The following BRIP1 variants were observed in gnomAD, a reference collection of about 807,000 sequenced individuals.
BRIP1 encodes the protein BRCA1 interacting DNA helicase 1, also known as Fanconi anemia group J protein.
Under a neutral mutation model 119.7 loss-of-function variants are expected in BRIP1, and 88 were observed. The observed-to-expected ratio is 0.74, with a 90% confidence interval of 0.62 to 0.88. The LOEUF (loss-of-function observed/expected upper bound fraction) is 0.88, where lower values mean the gene tolerates loss of function less well. Ranked by LOEUF, BRIP1 falls within the 40% of genes least tolerant of loss-of-function variation. BRIP1 has a pLI of 0.00. For synonymous variants in BRIP1, 443 were observed against 496.5 expected, an observed-to-expected ratio of 0.89 and a Z score of 1.43; for missense variants, 1,259 against 1,455.4, an observed-to-expected ratio of 0.87 and a Z score of 2.20.
rs1354206131 is a variant in BRIP1, at chr17:61,851,538, G to A, written c.380-2282C>T. ...AAGTTCTTCCTTTCCCCTACAAGCTGTAGGGGCACTTCTATAAAAATATCA... is the reference window on the plus strand; with the variant it reads ...AAGTTCTTCCTTTCCCCTACAAGCTATAGGGGCACTTCTATAAAAATATCA... On this transcript the variant is annotated intron_variant, in intron 4 of 19. Coordinates refer to ENST00000259008, the MANE Select transcript of BRIP1 (RefSeq NM_032043.3). The surrounding 1 kb of genome is among the most constrained non-coding windows in gnomAD (Gnocchi z 4.6). Among the ~76,000 whole-genome samples the A allele has an allele frequency of 6.6e-6, 1 of 152,094 alleles. No homozygotes were observed. The highest frequency in any genetic ancestry group is 1.5e-5 in the Non-Finnish European group (1 of 68,012).
intron 11 of BRIP1, chr17:61,784,015 A>T: frequency 2.9e-6 from 1 of 345,364 alleles, no homozygotes; most frequent in South Asian, 3.6e-5. Context: ...CCAGGAGGTC[A>T]AAGTTGCAGT....
rs772373100 is a variant in BRIP1 at position 61,799,346 on chromosome 17, T to C, written c.1141-47A>G. 4.0e-5 allele frequency: 57 copies of C among 1,429,476 alleles called. No individual in the cohort carries two copies. The highest frequency in any genetic ancestry group is 5.2e-5 in the Non-Finnish European group (53 of 1,019,322). The allele number at this position is 1,429,476 out of a possible 1,614,324, so 88.5% of individuals were successfully genotyped here. The stretch of plus-strand genomic sequence containing the variant: ...TTGTAAAACATTTGGCAAAATAGAT[T>C]TAACAACAGCAGGCAAGATATTTCA... On this transcript the variant is annotated intron_variant, in intron 8 of 19. Transcript: ENST00000259008. This position sits in a 1 kb window ranked among gnomAD's most constrained non-coding sequence, Gnocchi z 5.1.
In BRIP1 at chr17:61,795,332, TATTC is replaced by T. The variant is rs1268575852; in HGVS notation, c.1341-1607_1341-1604del. On this transcript the variant is annotated intron_variant, in intron 9 of 19. Coordinates refer to ENST00000259008, the MANE Select transcript of BRIP1 (RefSeq NM_032043.3). This position sits in a 1 kb window ranked among gnomAD's most constrained non-coding sequence, Gnocchi z 5.6. ...TGTTGTGCTATCAAATACTAGGCCT[TATTC>T]ATTCATTCTATTTTTCTTTTTTTTG... is the stretch of plus-strand genomic sequence containing the variant. Among the ~76,000 whole-genome samples, 2 of 152,014 alleles carry T rather than the reference TATTC, an allele frequency of 1.3e-5. No individual in the cohort carries two copies. Among genetic ancestry groups the T allele is most frequent in the Non-Finnish European group, 2.9e-5 (2 of 67,966 alleles).
chr17:61,692,651 A>G (rs769549213), intron 18 of BRIP1, among the ~76,000 whole-genome samples: 4 of 152,164 alleles, frequency 2.6e-5, no homozygotes, highest in African/African-American at 4.8e-5. Flanking sequence ...TCAAATCCAC[A>G]CTGTGCTATC....
Position 61,803,237 on chromosome 17 carries a change from G to C in BRIP1, c.919-1763C>G, listed in dbSNP as rs2078022479. Among the ~76,000 whole-genome samples, 1 of 152,014 alleles carries C rather than the reference G, an allele frequency of 6.6e-6. No individual in the cohort carries two copies. The highest frequency in any genetic ancestry group is 2.4e-5 in the African/African-American group (1 of 41,372). ...AGCCACCAAGTAGCTGGAACCACAA[G>C]TGCATCACCACATATGGCTCCTTTT... On this transcript the variant is annotated intron_variant, in intron 7 of 19. Transcript: ENST00000259008. The surrounding 1 kb of genome is among the most constrained non-coding windows in gnomAD (Gnocchi z 4.3).
intron 6 of BRIP1, among the ~76,000 whole-genome samples, chr17:61,830,425 T>C (rs1376525520): frequency 1.3e-5 from 2 of 150,144 alleles, no homozygotes; most frequent in African/African-American, 4.9e-5. Context: ...GCAAAATGAA[T>C]TCTAGATTAA....
At position 61,857,527 on chromosome 17, in the gene BRIP1, C is replaced by A. The variant is rs1194787738; in HGVS notation, c.206-296G>T. 6.6e-6 allele frequency among the ~76,000 whole-genome samples: 1 copy of A among 152,124 alleles called. No homozygotes were observed. The highest frequency in any genetic ancestry group is 6.6e-5 in the Admixed American group (1 of 15,264). ...TCAATTGAAGTCAGGAGTTTGAGAC[C>A]AGCCTGGCCAATATGGTAAAACCCT... On this transcript the variant is annotated intron_variant, in intron 3 of 19. Coordinates refer to ENST00000259008, the MANE Select transcript of BRIP1 (RefSeq NM_032043.3). This position sits in a 1 kb window ranked among gnomAD's most constrained non-coding sequence, Gnocchi z 5.1.
At chr17:61,839,013 C>T (rs2145682136) in intron 6 of BRIP1, among the ~76,000 whole-genome samples, 1 of 152,148 alleles carries the variant, frequency 6.6e-6, no homozygotes, top group East Asian at 1.9e-4. Context: ...TATAATAAGT[C>T]ACTTTGCAAA....
In BRIP1 at chr17:61,860,642, A is replaced by G. The variant is rs1470389385; in HGVS notation, c.94-735T>C. Among the ~76,000 whole-genome samples the G allele has an allele frequency of 3.9e-5, 6 of 152,260 alleles. No homozygotes were observed. The highest frequency in any genetic ancestry group is 8.8e-5 in the Non-Finnish European group (6 of 68,046). ...GCCACTGCACTCCAATCTGGGCGAC[A>G]GAGTGAGACGCTGTCTCAAAAACAA... On this transcript the variant is annotated intron_variant, in intron 2 of 19. Coordinates refer to ENST00000259008, the MANE Select transcript of BRIP1 (RefSeq NM_032043.3). This position sits in a 1 kb window ranked among gnomAD's most constrained non-coding sequence, Gnocchi z 4.1.
chr17:61,719,722 C>T (rs564246142), intron 16 of BRIP1, among the ~76,000 whole-genome samples: 16 of 144,026 alleles, frequency 1.1e-4, no homozygotes, highest in Non-Finnish European at 1.5e-4. Context: ...GAGACTCTGT[C>T]TCGGAAAAAA....
Position 61,801,301 on chromosome 17 carries a change from G to A in BRIP1, c.1092C>T (p.Ile364=), listed in dbSNP as rs1555607674. ...GAAGATAGTTGTAGGGACAAAATATGATGTCAGCATCTTGTATTAGTTCTC... is the reference window on the plus strand; with the variant it reads ...GAAGATAGTTGTAGGGACAAAATATAATGTCAGCATCTTGTATTAGTTCTC... ...TARELIQDAD[I]IFCPYNYLLD... Residue 364 remains isoleucine (I), a synonymous_variant, in exon 8 of 20, where the codon ATC becomes ATT. Coordinates refer to ENST00000259008, the MANE Select transcript of BRIP1 (RefSeq NM_032043.3). 1 of 1,613,956 alleles carries A rather than the reference G, an allele frequency of 6.2e-7. No homozygotes were observed. Among genetic ancestry groups the A allele is most frequent in the Non-Finnish European group, 8.5e-7 (1 of 1,179,926 alleles).
At chr17:61,847,316 C>G in intron 5 of BRIP1, 96 bp from the exon 6 acceptor site, 1 of 1,365,304 alleles carries the variant, frequency 7.3e-7, no homozygotes, top group Non-Finnish European at 1.0e-6. Flanking sequence ...TATTTTTTTC[C>G]TGCATCCAAA....
chr17:61,786,334 A>C (rs1180034067), intron 10 of BRIP1, among the ~76,000 whole-genome samples: 1 of 151,918 alleles, frequency 6.6e-6, no homozygotes, highest in Admixed American at 6.6e-5. Flanking sequence ...AGCAGAACCC[A>C]CGTTATTTTT....
rs912757102 is a variant in BRIP1 at position 61,828,069 on chromosome 17, C to T, written c.627+19032G>A. Among the ~76,000 whole-genome samples, 1 of 152,082 alleles carries T rather than the reference C, an allele frequency of 6.6e-6. No homozygotes were observed. Among genetic ancestry groups the T allele is most frequent in the African/African-American group, 2.4e-5 (1 of 41,414 alleles). On this transcript the variant is annotated intron_variant, in intron 6 of 19. Transcript: ENST00000259008. The surrounding 1 kb of genome is among the most constrained non-coding windows in gnomAD (Gnocchi z 4.1). ...TTCCACTCTTAGGTGTATACCCAAA[C>T]GAATGAAAACAGAGACTCAAACAGA... is the stretch of plus-strand genomic sequence containing the variant.
In BRIP1 at chr17:61,726,200, A is replaced by C. The variant is rs1196055643; in HGVS notation, c.2380-10137T>G. Among the ~76,000 whole-genome samples the C allele has an allele frequency of 6.6e-6, 1 of 152,206 alleles. No individual in the cohort carries two copies. The highest frequency in any genetic ancestry group is 1.5e-5 in the Non-Finnish European group (1 of 68,034). On this transcript the variant is annotated intron_variant, in intron 16 of 19. Coordinates refer to ENST00000259008, the MANE Select transcript of BRIP1 (RefSeq NM_032043.3). This position sits in a 1 kb window ranked among gnomAD's most constrained non-coding sequence, Gnocchi z 6.2. Reference sequence around the variant, plus strand: ...TTTCTCAATTTCTTCGTCTGTAAGAAGGGGCTTAGAATTAGAAGTCTCTTA... The same window carrying C: ...TTTCTCAATTTCTTCGTCTGTAAGACGGGGCTTAGAATTAGAAGTCTCTTA...
intron 17 of BRIP1, among the ~76,000 whole-genome samples, chr17:61,711,353 C>T (rs75346512): frequency 4.6e-5 from 7 of 152,158 alleles, no homozygotes; most frequent in African/African-American, 1.7e-4. Flanking sequence ...TATTCAAGCG[C>T]CCCTAGAAAC....
chr17:61,850,850 G>C (rs1178666391), intron 4 of BRIP1, among the ~76,000 whole-genome samples: 1 of 151,756 alleles, frequency 6.6e-6, no homozygotes, highest in Non-Finnish European at 1.5e-5. Flanking sequence ...GAAAGCTTGA[G>C]ATTACATAAA....
Position 61,693,567 on chromosome 17 carries a change from T to C in BRIP1, c.2493-55A>G. 1 of 1,439,548 alleles carries C rather than the reference T, an allele frequency of 6.9e-7. No individual in the cohort carries two copies. The highest frequency in any genetic ancestry group is 9.8e-7 in the Non-Finnish European group (1 of 1,022,750). The allele number at this position is 1,439,548 out of a possible 1,614,324, so 89.2% of individuals were successfully genotyped here. ...TTATAACATCGGAAATAAATCCAGT[T>C]TTCCAGTGGGACAGACAGAAAATTG... is the stretch of plus-strand genomic sequence containing the variant. On this transcript the variant is annotated intron_variant, in intron 17 of 19. Coordinates refer to ENST00000259008, the MANE Select transcript of BRIP1 (RefSeq NM_032043.3). The surrounding 1 kb of genome is among the most constrained non-coding windows in gnomAD (Gnocchi z 4.2).
rs1603369145 is a variant in BRIP1 at position 61,863,418 on chromosome 17, T to C, written c.-165A>G. On this transcript the variant is annotated 5_prime_UTR_variant, in exon 1 of 20. Coordinates refer to ENST00000259008, the MANE Select transcript of BRIP1 (RefSeq NM_032043.3). ...GGCACGAGCCCTTCCTCCTCCCTCTTCCTGGGGGTGCTGCTACTTCCCCGG... is the reference window on the plus strand; with the variant it reads ...GGCACGAGCCCTTCCTCCTCCCTCTCCCTGGGGGTGCTGCTACTTCCCCGG... 1 of 152,158 alleles carries C rather than the reference T, an allele frequency of 6.6e-6. No individual in the cohort carries two copies. The highest frequency in any genetic ancestry group is 1.5e-5 in the Non-Finnish European group (1 of 68,140). 9.4% of individuals were successfully genotyped at this position (152,158 alleles called of 1,614,324 possible).
Sources: allele counts gnomAD v4.1 joint callset (sites outside exome capture counted in the v4.1 genomes callset), GRCh38; gene constraint gnomAD v4.1.1; non-coding constraint Gnocchi (gnomAD v3.1); transcripts MANE v1.5; gene names NCBI Gene and HGNC (gene_info 2026-07-23, HGNC 2026-07-21).